SLC33A1: variants seen among roughly 807,000 people sequenced by gnomAD.
SLC33A1 encodes solute carrier family 33 member 1.
In SLC33A1, 20 loss-of-function variants were observed where a neutral mutation model predicts 50.0. The ratio of observed to expected loss-of-function variants is 0.40; its 90% CI spans 0.28 to 0.58. The LOEUF is 0.58. SLC33A1 is among the 20% of genes least tolerant of loss of function. The pLI is 0.44. For missense variants in SLC33A1, 476 were observed against 657.0 expected (o/e 0.72, Z 3.01); for synonymous variants, 265 against 251.8 (o/e 1.05, Z -0.50).
rs148999356 is a variant in SLC33A1 at position 155,853,415 on chromosome 3, T to C, written c.583A>G (p.Ile195Val). 2 of 1,613,966 alleles carry C rather than the reference T, an allele frequency of 1.2e-6. No homozygotes were observed. Among genetic ancestry groups the C allele is most frequent in the Non-Finnish European group, 1.7e-6 (2 of 1,180,044 alleles). ...LFEFLAATQD[I>V]AVDGWALTML... is the part of the protein sequence containing the mutation. ...GTTAACGCCCAACCATCGACGGCAA[T>C]GTCCTGAGTGGCGGCCAAGAATTCA... is the stretch of plus-strand genomic sequence containing the variant. Residue 195 changes from isoleucine (I) to valine (V), a missense_variant, in exon 1 of 6, where the codon ATT (isoleucine) becomes GTT (valine). Ile to Val is a conservative substitution (Grantham distance 29). Transcript: ENST00000643144.
intron 2 of SLC33A1, among the ~76,000 whole-genome samples, chr3:155,834,581 C>A (rs570826323): frequency 1.3e-5 from 2 of 152,132 alleles, no homozygotes; most frequent in East Asian, 3.9e-4. Flanking sequence ...TAGATTAATT[C>A]TTTAAAACAG....
chr3:155,833,769 T>C, intron 3 of SLC33A1, 88 bp downstream of exon 3: 6 of 1,124,108 alleles, frequency 5.3e-6, no homozygotes, highest in Non-Finnish European at 8.1e-6. Context: ...TTTCCATATA[T>C]ATAATTCTAC....
rs900912563 is a variant in SLC33A1 at position 155,853,904 on chromosome 3, G to A, written c.94C>T (p.Pro32Ser). The change falls in exon 1 of 6, where the codon CCA becomes TCA. Residue 32 changes from proline to serine, a missense_variant. Pro to Ser is a moderately conservative substitution (Grantham distance 74). Transcript: ENST00000643144. ...AAATGACTGTCATCCCAACCGCCTG[G>A]CGGCAGGGGACCGCTCTTCATATCC... ...SLDMKSGPLP[P>S]GGWDDSHLDS... The A allele has an allele frequency of 1.9e-6, 3 of 1,544,994 alleles. No homozygotes were observed. Among genetic ancestry groups the A allele is most frequent in the Non-Finnish European group, 1.7e-6 (2 of 1,148,852 alleles).
intron 1 of SLC33A1, among the ~76,000 whole-genome samples, chr3:155,844,495 G>A (rs1753085670): frequency 9.7e-6 from 1 of 102,678 alleles, no homozygotes; most frequent in Non-Finnish European, 1.8e-5. Context: ...TTGAGACGGA[G>A]TCTCACTCTT....
intron 4 of SLC33A1, among the ~76,000 whole-genome samples, chr3:155,830,873 T>A (rs2109307036): frequency 6.6e-6 from 1 of 152,278 alleles, no homozygotes; most frequent in East Asian, 1.9e-4. Flanking sequence ...CAAAAAGTAC[T>A]TAAAAGGCAA....
In SLC33A1 at chr3:155,821,548, C is replaced by G. The variant is rs1043149417; in HGVS notation, c.*6662G>C. 2 of 152,184 alleles carry G rather than the reference C, an allele frequency of 1.3e-5. No homozygotes were observed. Among genetic ancestry groups the G allele is most frequent in the African/African-American group, 2.4e-5 (1 of 41,392 alleles). The allele number at this position is 152,184 out of a possible 1,614,324, so 9.4% of individuals were successfully genotyped here. ...ATGGTGCGATCTCGGCTCACCGCAA[C>G]CCCTGCCTCCCGGGTTCAAGCGATT... On this transcript the variant is annotated 3_prime_UTR_variant, in exon 6 of 6. Coordinates refer to ENST00000643144, the MANE Select transcript of SLC33A1 (RefSeq NM_004733.4).
At chr3:155,842,232 A>C (rs1752963463) in intron 2 of SLC33A1, among the ~76,000 whole-genome samples, 200 bp downstream of exon 2, 1 of 152,228 alleles carries the variant, frequency 6.6e-6, no homozygotes, top group East Asian at 1.9e-4. Flanking sequence ...ACAATACTCC[A>C]AGACATTTAG....
chr3:155,829,449 G>T (rs142734706), intron 5 of SLC33A1, among the ~76,000 whole-genome samples: 5 of 152,108 alleles, frequency 3.3e-5, no homozygotes, highest in Non-Finnish European at 7.3e-5. Flanking sequence ...TCGTCAAGGT[G>T]GGGGAAAGAG....
chr3:155,846,784 C>A (rs1452604044), intron 1 of SLC33A1, among the ~76,000 whole-genome samples: 1 of 151,890 alleles, frequency 6.6e-6, no homozygotes, highest in African/African-American at 2.4e-5. Flanking sequence ...TACTTGTATT[C>A]CCCCTTCTCA....
intron 1 of SLC33A1, among the ~76,000 whole-genome samples, chr3:155,851,408 AT>A (rs11299299): frequency 0.66 from 94,750 of 143,958 alleles, 33,070 homozygotes; most frequent in East Asian, 0.81. Context: ...ACACCCAGCT[AT>A]TTTTTTTTTT....
chr3:155,842,659 CATA>C (rs1560018975), intron 1 of SLC33A1, 40 bp from the exon 2 acceptor site: 19 of 1,039,034 alleles, frequency 1.8e-5, no homozygotes, highest in Non-Finnish European at 2.5e-5. Context: ...TTTAAAATTA[CATA>C]ATTTCATTGA....
chr3:155,828,074 TCAACCA>T lies in SLC33A1; in HGVS notation c.*130_*135del. 3 of 672,410 alleles carry T rather than the reference TCAACCA, an allele frequency of 4.5e-6. No individual in the cohort carries two copies. Among genetic ancestry groups the T allele is most frequent in the African/African-American group, 1.8e-5 (1 of 54,792 alleles). The allele number at this position is 672,410 out of a possible 1,614,324, so 41.7% of individuals were successfully genotyped here. On this transcript the variant is annotated 3_prime_UTR_variant, in exon 6 of 6. Coordinates refer to ENST00000643144, the MANE Select transcript of SLC33A1 (RefSeq NM_004733.4). ...AATATACAGAAAGGTTTCTATTTTT[TCAACCA>T]TTTGGCATTTTATATTATTAATTTC...
intron 5 of SLC33A1, among the ~76,000 whole-genome samples, chr3:155,829,367 C>A (rs374596917): frequency 6.6e-6 from 1 of 152,114 alleles, no homozygotes; most frequent in East Asian, 1.9e-4. Context: ...ATGGACATTC[C>A]CTTTTTCTAT....
At position 155,854,219 on chromosome 3, in the gene SLC33A1, C is replaced by G. The variant is rs1753535506; in HGVS notation, c.-222G>C. 1 of 413,278 alleles carries G rather than the reference C, an allele frequency of 2.4e-6. No homozygotes were observed. The highest frequency in any genetic ancestry group is 3.9e-5 in the Admixed American group (1 of 25,350). The allele number at this position is 413,278 out of a possible 1,614,324, so 25.6% of individuals were successfully genotyped here. The stretch of plus-strand genomic sequence containing the variant: ...GCCCAGAGGATGCCTGGATAGGTGC[C>G]CCCTGGAACGGCGTCAAAGAGCCTG... On this transcript the variant is annotated 5_prime_UTR_variant, in exon 1 of 6. Transcript: ENST00000643144.
Position 155,829,606 on chromosome 3 carries a change from G to T in SLC33A1, c.1482+82C>A, listed in dbSNP as rs890679979. 1.0e-5 allele frequency: 10 copies of T among 1,003,054 alleles called. No homozygotes were observed. In the African/African-American group the frequency reaches 1.5e-4, roughly 15 times the overall value. The allele number at this position is 1,003,054 out of a possible 1,614,324, so 62.1% of individuals were successfully genotyped here. A position where few individuals can be genotyped will look rare whatever the true frequency, so the allele number is the denominator to read the frequency against. On this transcript the variant is annotated intron_variant, in intron 5 of 5. Coordinates refer to ENST00000643144, the MANE Select transcript of SLC33A1 (RefSeq NM_004733.4). ...ATGGACAGATATGATTTTTAAAAAA[G>T]ATATAGTACTTCTAGAGACAAAACA...
chr3:155,824,285 A>G lies in SLC33A1; in HGVS notation c.*3925T>C, dbSNP rs1013594104. On this transcript the variant is annotated 3_prime_UTR_variant, in exon 6 of 6. Transcript: ENST00000643144. ...CATTTTAGCAGGGTCTATGACATAC[A>G]GCTTTAGTCATTCTTTCAATTACTT... 2 of 152,248 alleles carry G rather than the reference A, an allele frequency of 1.3e-5. No homozygotes were observed. Among genetic ancestry groups the G allele is most frequent in the Admixed American group, 6.5e-5 (1 of 15,282 alleles). The allele number at this position is 152,248 out of a possible 1,614,324, so 9.4% of individuals were successfully genotyped here.
intron 2 of SLC33A1, among the ~76,000 whole-genome samples, chr3:155,841,734 TTTTA>T (rs548569925): frequency 3.3e-5 from 5 of 151,836 alleles, no homozygotes; most frequent in East Asian, 3.9e-4. Context: ...TTCTATATCT[TTTTA>T]TTTATTTATT....
chr3:155,828,472 T>G, intron 5 of SLC33A1, 95 bp from the exon 6 acceptor site: 1 of 764,016 alleles, frequency 1.3e-6, no homozygotes, highest in Non-Finnish European at 2.3e-6. Flanking sequence ...TAAAAATATA[T>G]TTTTCTTAAA....
At chr3:155,839,552 T>G (rs1426881802) in intron 2 of SLC33A1, among the ~76,000 whole-genome samples, 1 of 152,090 alleles carries the variant, frequency 6.6e-6, no homozygotes, top group African/African-American at 2.4e-5. Context: ...ATCATGTAGC[T>G]ACTAACAAGT....
Sources: allele counts gnomAD v4.1 joint callset (sites outside exome capture counted in the v4.1 genomes callset), GRCh38; gene constraint gnomAD v4.1.1; transcripts MANE v1.5; gene names NCBI Gene and HGNC (gene_info 2026-07-23, HGNC 2026-07-21).